The following CFI variants were observed in gnomAD, a reference collection of about 807,000 sequenced individuals.
CFI encodes the protein C3B/C4B inactivator.
A neutral mutation model predicts 78.8 loss-of-function variants in CFI; 66 were observed. The observed-to-expected ratio is 0.84, with a 90% CI of 0.69 to 1.03. CFI has a LOEUF of 1.03. Ranked by LOEUF, CFI falls within the 50% of genes least tolerant of loss-of-function variation. The pLI, the probability that CFI is intolerant of heterozygous loss-of-function variation, is 0.00. For missense variants in CFI, 706 were observed against 704.5 expected, an observed-to-expected ratio of 1.00 and a Z score of -0.02; for synonymous variants, 250 against 232.6, an observed-to-expected ratio of 1.07 and a Z score of -0.68.
intron 8 of CFI, among the ~76,000 whole-genome samples, chr4:109,750,259 A>G (rs1351814518): frequency 1.3e-5 from 2 of 151,840 alleles, no homozygotes; most frequent in Non-Finnish European, 2.9e-5. Context: ...AGCCTCCCAA[A>G]GTGCTGAGAT....
intron 1 of CFI, among the ~76,000 whole-genome samples, chr4:109,797,600 C>G (rs1024066520): frequency 1.3e-5 from 2 of 152,164 alleles, no homozygotes; most frequent in Admixed American, 1.3e-4. Flanking sequence ...TAAAAACCTT[C>G]TGCACAGCAA....
Position 109,750,154 on chromosome 4 carries a change from G to A in CFI, c.941-552C>T, listed in dbSNP as rs189137478. ...TGGGATTACAGGCGCCCACCCCCAC[G>A]CCCAGCTAATTTTTGTTTTTTTAGT... is the stretch of plus-strand genomic sequence containing the variant. On this transcript the variant is annotated intron_variant, in intron 8 of 12. Transcript: ENST00000394634. Among the ~76,000 whole-genome samples the A allele has an allele frequency of 4.6e-4, 70 of 151,600 alleles. No individual in the cohort carries two copies. The Middle Eastern group carries it at 0.031, about 66-fold the overall frequency.
intron 1 of CFI, among the ~76,000 whole-genome samples, chr4:109,777,579 A>C (rs1237549274): frequency 6.6e-6 from 1 of 152,220 alleles, no homozygotes; most frequent in Non-Finnish European, 1.5e-5. Context: ...TCAATGAGAC[A>C]GAAAGTTAAC....
At chr4:109,778,683 A>G (rs7686221) in intron 1 of CFI, among the ~76,000 whole-genome samples, 53,333 of 151,952 alleles carry the variant, frequency 0.35, 9,766 homozygotes, top group East Asian at 0.44. Context: ...AACAAAAAAA[A>G]AGAATCTTAG....
intron 12 of CFI, among the ~76,000 whole-genome samples, chr4:109,741,581 G>A (rs1043787367): frequency 7.2e-5 from 11 of 152,152 alleles, no homozygotes; most frequent in African/African-American, 1.4e-4. Flanking sequence ...GCTAACAAAC[G>A]ACAGGGCCTG....
intron 10 of CFI, among the ~76,000 whole-genome samples, chr4:109,747,220 C>A (rs1724584907): frequency 6.6e-6 from 1 of 152,172 alleles, no homozygotes; most frequent in African/African-American, 2.4e-5. Context: ...GGGTCTCACT[C>A]TTTTGCCTAA....
At position 109,746,164 on chromosome 4, in the gene CFI, TC is replaced by T; in HGVS notation, c.1429+57del. ...GCTAGGAAATTAGCTCCTATACATT[TC>T]TATTCTCTTTCATTTCCAACTCATG... On this transcript the variant is annotated intron_variant, in intron 11 of 12. Transcript: ENST00000394634. 2.5e-6 allele frequency: 4 copies of T among 1,583,186 alleles called. 1 individual carries two copies. The South Asian group carries it at 4.5e-5, about 18-fold the overall frequency.
At chr4:109,772,875 T>C (rs1428163682) in intron 1 of CFI, among the ~76,000 whole-genome samples, 2 of 152,208 alleles carry the variant, frequency 1.3e-5, no homozygotes, top group Non-Finnish European at 2.9e-5. Flanking sequence ...TGTGCCACCC[T>C]GCCTAACCTG....
intron 3 of CFI, among the ~76,000 whole-genome samples, chr4:109,762,944 T>C (rs560246215): frequency 1.3e-5 from 2 of 152,260 alleles, no homozygotes; most frequent in African/African-American, 4.8e-5. Context: ...TACCAGTAGG[T>C]TGAACCATAA....
chr4:109,756,929 GAAAGAAAGAAAGAAAGAAAGAA>G, intron 7 of CFI, among the ~76,000 whole-genome samples: 1 of 144,352 alleles, frequency 6.9e-6, no homozygotes, highest in South Asian at 2.3e-4. Context: ...AAGAAAGAAA[GAAAGAAAGAAAGAAAGAAAGAA>G]AGAAAGAAAG....
chr4:109,764,229 A>G (rs1727441555), intron 3 of CFI: 2 of 416,356 alleles, frequency 4.8e-6, no homozygotes, highest in African/African-American at 2.0e-5. Context: ...ACTAAGTGTG[A>G]AAAAGTGTAC....
chr4:109,784,156 T>A (rs1730459319), intron 1 of CFI, among the ~76,000 whole-genome samples: 1 of 151,546 alleles, frequency 6.6e-6, no homozygotes, highest in African/African-American at 2.4e-5. Context: ...TGTAACCAAA[T>A]ACCACCTGTA....
At position 109,746,286 on chromosome 4, in the gene CFI, G is replaced by C; in HGVS notation, c.1365C>G (p.Pro455=). Residue 455 remains proline (P), a synonymous_variant, in exon 11 of 13, where the codon CCC becomes CCG. Coordinates refer to ENST00000394634, the MANE Select transcript of CFI (RefSeq NM_000204.5). ...ELPRSIPACV[P]WSPYLFQPND... is the part of the protein sequence containing the mutation. ...TAGGTTGGAATAGGTAAGGAGACCA[G>C]GGGACACAGGCAGGGATGGAACGAG... 6.2e-7 allele frequency: 1 copy of C among 1,614,180 alleles called. No individual in the cohort carries two copies. The highest frequency in any genetic ancestry group is 1.3e-5 in the African/African-American group (1 of 75,044).
intron 1 of CFI, among the ~76,000 whole-genome samples, chr4:109,770,930 A>G (rs1400905526): frequency 6.6e-6 from 1 of 152,200 alleles, no homozygotes; most frequent in Non-Finnish European, 1.5e-5. Context: ...TGGTTGAAAG[A>G]GATGGTTGTA....
chr4:109,780,115 G>A (rs1042487811), intron 1 of CFI, among the ~76,000 whole-genome samples: 1 of 152,052 alleles, frequency 6.6e-6, no homozygotes, highest in African/African-American at 2.4e-5. Flanking sequence ...ACACCAAAAA[G>A]CAATGGCAAC....
chr4:109,778,844 C>A (rs554381632), intron 1 of CFI, among the ~76,000 whole-genome samples: 1 of 152,100 alleles, frequency 6.6e-6, no homozygotes, highest in South Asian at 2.1e-4. Context: ...AATCAATAAA[C>A]GTAATCCATC....
At chr4:109,783,292 T>A (rs1730295308) in intron 1 of CFI, among the ~76,000 whole-genome samples, 1 of 152,072 alleles carries the variant, frequency 6.6e-6, no homozygotes, top group African/African-American at 2.4e-5. Flanking sequence ...GAAAAAAGAC[T>A]AACATCCATA....
chr4:109,780,292 A>G (rs1729834603), intron 1 of CFI, among the ~76,000 whole-genome samples: 1 of 152,152 alleles, frequency 6.6e-6, no homozygotes, highest in Non-Finnish European at 1.5e-5. Context: ...ACTCAAACAA[A>G]TTTACAAGAA....
intron 7 of CFI, among the ~76,000 whole-genome samples, chr4:109,756,912 A>AGAAG: frequency 8.9e-6 from 1 of 111,810 alleles, no homozygotes; most frequent in East Asian, 2.8e-4. Context: ...AAAGAAAGAA[A>AGAAG]GAAAGAAAGA....
Sources: allele counts gnomAD v4.1 joint callset (sites outside exome capture counted in the v4.1 genomes callset), GRCh38; gene constraint gnomAD v4.1.1; transcripts MANE v1.5; gene names NCBI Gene and HGNC (gene_info 2026-07-23, HGNC 2026-07-21).